Variants in OPA3 observed in about 807,000 individuals in gnomAD.
OPA3 encodes the protein optic atrophy 3 protein.
Under a neutral mutation model 4.0 loss-of-function variants are expected in OPA3, and 6 were observed. The ratio of observed to expected loss-of-function variants is 1.51; its 90% CI spans 0.83 to 2.99. The LOEUF is 2.99. OPA3 is among the 30% of genes most tolerant of loss of function. OPA3 has a pLI of 0.00. For synonymous variants in OPA3, 105 were observed against 117.1 expected (o/e 0.90, Z 0.67); for missense variants, 235 against 256.2 (o/e 0.92, Z 0.56).
chr19:45,577,045 CTGGG>C (rs1969779866), intron 1 of OPA3, among the ~76,000 whole-genome samples: 5 of 152,230 alleles, frequency 3.3e-5, no homozygotes, highest in African/African-American at 1.2e-4. Context: ...CACAGCCTCC[CTGGG>C]AGCACCAAAA....
intron 1 of OPA3, among the ~76,000 whole-genome samples, chr19:45,559,089 G>C (rs188807651): frequency 1.3e-5 from 2 of 152,128 alleles, no homozygotes; most frequent in Non-Finnish European, 2.9e-5. Context: ...TCACCATGTT[G>C]GCCAGGCTGG....
chr19:45,572,553 A>G (rs1969693879), intron 1 of OPA3, among the ~76,000 whole-genome samples: 1 of 137,316 alleles, frequency 7.3e-6, no homozygotes, highest in Non-Finnish European at 1.5e-5. Flanking sequence ...TATATATATC[A>G]TATATGGATA....
rs966411552 is a variant in OPA3, at chr19:45,551,847, G to A, written c.*1667C>T. 28 of 985,468 alleles carry A rather than the reference G, an allele frequency of 2.8e-5. No individual in the cohort carries two copies. The highest frequency in any genetic ancestry group is 2.5e-4 in the Admixed American group (4 of 16,244). The allele number at this position is 985,468 out of a possible 1,614,324, so 61.0% of individuals were successfully genotyped here. A position where few individuals can be genotyped will look rare whatever the true frequency, so the allele number is the denominator to read the frequency against. On this transcript the variant is annotated 3_prime_UTR_variant, in exon 2 of 2. Transcript: ENST00000263275. ...CAAGAGCACACAGATTAGGAGACAC[G>A]GATGGAAGATGAAGGATGTGACAAT...
rs547517724 is a variant in OPA3, at chr19:45,576,169, G to A, written c.142+8454C>T. Among the ~76,000 whole-genome samples, 6 of 152,224 alleles carry A rather than the reference G, an allele frequency of 3.9e-5. No individual in the cohort carries two copies. The East Asian group carries it at 1.2e-3, about 29-fold the overall frequency. On this transcript the variant is annotated intron_variant, in intron 1 of 1. Coordinates refer to ENST00000263275, the MANE Select transcript of OPA3 (RefSeq NM_025136.4). ...AACCGGGATGCAGAGGTTGCAGGGA[G>A]CTGAGATCATGCCACTGTAATCCAG...
At chr19:45,569,263 T>C (rs558585485) in intron 1 of OPA3, among the ~76,000 whole-genome samples, 1 of 152,142 alleles carries the variant, frequency 6.6e-6, no homozygotes, top group Admixed American at 6.5e-5. Flanking sequence ...GTTCAAGACC[T>C]CCCTGGCCAA....
intron 1 of OPA3, among the ~76,000 whole-genome samples, chr19:45,572,432 A>G (rs1969687818): frequency 9.8e-6 from 1 of 101,554 alleles, no homozygotes; most frequent in Non-Finnish European, 1.8e-5. Flanking sequence ...ATATATCATG[A>G]TATATGTATA....
chr19:45,553,594 TGC>T lies in OPA3; in HGVS notation c.458_459del (p.Arg153HisfsTer43), dbSNP rs1969371460. The part of the protein sequence containing the change: ...APPQGALEEL[R>X]TELQEVRAQL... The stretch of plus-strand genomic sequence containing the variant: ...TGGGCGCGCACCTCTTGCAGCTCTG[TGC>T]GCAGTTCCTCCAGGGCGCCCTGTGG... On this transcript the variant is annotated frameshift_variant, in exon 2 of 2. Coordinates refer to ENST00000263275, the MANE Select transcript of OPA3 (RefSeq NM_025136.4). LOFTEE classifies it low-confidence loss of function (END_TRUNC). 2.5e-6 allele frequency: 4 copies of T among 1,611,904 alleles called. No homozygotes were observed. The highest frequency in any genetic ancestry group is 3.4e-6 in the Non-Finnish European group (4 of 1,179,734).
downstream of OPA3, among the ~76,000 whole-genome samples, chr19:45,544,301 C>T (rs190104581): frequency 6.6e-5 from 10 of 152,306 alleles, no homozygotes; most frequent in East Asian, 1.7e-3. Flanking sequence ...CCCCAACGTT[C>T]AACAGATGTA....
At chr19:45,536,260 T>C (rs1010919692) in intron 1 of OPA3, among the ~76,000 whole-genome samples, 2 of 140,832 alleles carry the variant, frequency 1.4e-5, no homozygotes, top group African/African-American at 2.6e-5. Context: ...AAAAAAAATG[T>C]GGGCCGGGCA....
chr19:45,551,022 G>A lies in OPA3; in HGVS notation c.*2492C>T, dbSNP rs1214188664. The A allele has an allele frequency of 2.8e-5, 25 of 905,592 alleles. 1 individual carries two copies. Among genetic ancestry groups the A allele is most frequent in the African/African-American group, 1.4e-4 (8 of 55,650 alleles). The allele number at this position is 905,592 out of a possible 1,614,324, so 56.1% of individuals were successfully genotyped here. A position where few individuals can be genotyped will look rare whatever the true frequency, so the allele number is the denominator to read the frequency against. On this transcript the variant is annotated 3_prime_UTR_variant, in exon 2 of 2. Transcript: ENST00000263275. ...GTCATCCAGGCTGGAGTGTAGTGGC[G>A]CGATCACGGCTCGCTGCAGCCTCGA...
exon 2 of OPA3, chr19:45,529,126 T>C: frequency 6.2e-7 from 1 of 1,608,870 alleles, no homozygotes; most frequent in Non-Finnish European, 8.5e-7. Flanking sequence ...GGCTCGCACC[T>C]CCTGCAGCTG....
intron 1 of OPA3, among the ~76,000 whole-genome samples, chr19:45,571,655 G>A (rs911934577): frequency 1.1e-4 from 17 of 152,264 alleles, no homozygotes; most frequent in African/African-American, 4.1e-4. Context: ...ACTGGTGCGT[G>A]TGAGAATGTA....
intron 1 of OPA3, among the ~76,000 whole-genome samples, chr19:45,533,293 C>G (rs1371593640): frequency 6.6e-6 from 1 of 151,920 alleles, no homozygotes; most frequent in Non-Finnish European, 1.5e-5. Flanking sequence ...CTCCTGGGTT[C>G]AAGCCATTCT....
intron 1 of OPA3, among the ~76,000 whole-genome samples, chr19:45,571,038 C>T (rs1487993628): frequency 6.7e-6 from 1 of 150,294 alleles, no homozygotes; most frequent in Non-Finnish European, 1.5e-5. Context: ...CGTTTCATCC[C>T]TCTAATTTTT....
rs4803833 is a variant in OPA3 at position 45,548,657 on chromosome 19, T to G, written c.*4857A>C. Reference sequence around the variant, plus strand: ...CTCAGTGAGTTTTGTGTTTTATTTTTTTTATTTTTTTTTTTTTTGCGGGAG... The same window carrying G: ...CTCAGTGAGTTTTGTGTTTTATTTTGTTTATTTTTTTTTTTTTTGCGGGAG... On this transcript the variant is annotated 3_prime_UTR_variant, in exon 2 of 2. Transcript: ENST00000263275. The G allele has an allele frequency of 2.0e-5, 18 of 907,370 alleles. No individual in the cohort carries two copies. In the African/African-American group the frequency reaches 3.1e-4, roughly 16 times the overall value. The allele number at this position is 907,370 out of a possible 1,614,324, so 56.2% of individuals were successfully genotyped here.
chr19:45,578,910 T>G (rs1021702605), intron 1 of OPA3, among the ~76,000 whole-genome samples: 2 of 152,154 alleles, frequency 1.3e-5, no homozygotes, highest in African/African-American at 4.8e-5. Flanking sequence ...CCTGTTCCAC[T>G]CAGAGTAAAG....
chr19:45,584,615 A>T lies in OPA3; in HGVS notation c.142+8T>A. ...AAAAAGGTTGGAGGGAATTCGGGTCAGACTCACGTTGAGCCGGCGGGAGGC... is the reference window on the plus strand; with the variant it reads ...AAAAAGGTTGGAGGGAATTCGGGTCTGACTCACGTTGAGCCGGCGGGAGGC... On this transcript the variant is annotated splice_region_variant and intron_variant, in intron 1 of 1. Coordinates refer to ENST00000263275, the MANE Select transcript of OPA3 (RefSeq NM_025136.4). 6.2e-7 allele frequency: 1 copy of T among 1,614,216 alleles called. No homozygotes were observed. The highest frequency in any genetic ancestry group is 8.5e-7 in the Non-Finnish European group (1 of 1,180,026).
chr19:45,537,132 A>G (rs1176230347), intron 1 of OPA3, among the ~76,000 whole-genome samples: 1 of 151,964 alleles, frequency 6.6e-6, no homozygotes, highest in African/African-American at 2.4e-5. Context: ...TTTTTAAAAA[A>G]CTTTTTAGTA....
chr19:45,550,111 T>G lies in OPA3; in HGVS notation c.*3403A>C. The stretch of plus-strand genomic sequence containing the variant: ...AGGTAGAAGTTGCAGTGAGCCGAGA[T>G]TGCACCACTGCACTCCGTCAGGGTG... On this transcript the variant is annotated 3_prime_UTR_variant, in exon 2 of 2. Coordinates refer to ENST00000263275, the MANE Select transcript of OPA3 (RefSeq NM_025136.4). 1.4e-6 allele frequency: 1 copy of G among 720,982 alleles called. No individual in the cohort carries two copies. The highest frequency in any genetic ancestry group is 1.7e-6 in the Non-Finnish European group (1 of 588,922). 44.7% of individuals were successfully genotyped at this position (720,982 alleles called of 1,614,324 possible). A position where few individuals can be genotyped will look rare whatever the true frequency, so the allele number is the denominator to read the frequency against.
Sources: allele counts gnomAD v4.1 joint callset (sites outside exome capture counted in the v4.1 genomes callset), GRCh38; gene constraint gnomAD v4.1.1; transcripts MANE v1.5; gene names NCBI Gene and HGNC (gene_info 2026-07-23, HGNC 2026-07-21).